The following PDHX variants were observed in gnomAD, a reference collection of about 807,000 sequenced individuals.
PDHX encodes the protein pyruvate dehydrogenase protein X component, mitochondrial.
Under a neutral mutation model 55.3 loss-of-function variants are expected in PDHX, and 33 were observed. The observed-to-expected ratio is 0.60, with a 90% CI of 0.45 to 0.80. The LOEUF is 0.80. PDHX is among the 30% of genes least tolerant of loss of function. PDHX has a pLI of 0.00. For synonymous variants in PDHX, 226 were observed against 219.4 expected (o/e 1.03, Z -0.27); for missense variants, 622 against 619.9 (o/e 1.00, Z -0.04).
chr11:34,955,162 T>C (rs1254380348), intron 3 of PDHX, among the ~76,000 whole-genome samples: 1 of 152,164 alleles, frequency 6.6e-6, no homozygotes, highest in Non-Finnish European at 1.5e-5. Flanking sequence ...CCAGATGCTT[T>C]GGTAGGGCAG....
Position 34,992,371 on chromosome 11 carries a change from A to T in PDHX, c.1239A>T (p.Gly413=), listed in dbSNP as rs148758785. 40 of 1,571,724 alleles carry T rather than the reference A, an allele frequency of 2.5e-5. No individual in the cohort carries two copies. In the Admixed American group the frequency reaches 2.7e-4, roughly 11 times the overall value. ...GKLLPEEYQG[G]SFSISNLGMF... The stretch of plus-strand genomic sequence containing the variant: ...TGTTGCCTGAAGAATACCAAGGAGG[A>T]TCTTTTAGGTAAAATTTAAACTCTT... The change falls in exon 10 of 11, where the codon GGA becomes GGT. Residue 413 remains glycine, a synonymous_variant. Transcript: ENST00000227868.
At position 34,969,360 on chromosome 11, in the gene PDHX, T is replaced by C. The variant is rs541887436; in HGVS notation, c.817-779T>C. Among the ~76,000 whole-genome samples the C allele has an allele frequency of 1.3e-3, 194 of 151,550 alleles. No homozygotes were observed. The Middle Eastern group carries it at 0.014, about 11-fold the overall frequency. On this transcript the variant is annotated intron_variant, in intron 6 of 10. Coordinates refer to ENST00000227868, the MANE Select transcript of PDHX (RefSeq NM_003477.3). The stretch of plus-strand genomic sequence containing the variant: ...TGGTTTTTTTTCTTTTTTTTTTTTT[T>C]CCCGAAACAATCTTGCTCTGTCGCC...
At chr11:34,951,364 C>A (rs536186126) in intron 3 of PDHX, among the ~76,000 whole-genome samples, 1 of 152,194 alleles carries the variant, frequency 6.6e-6, no homozygotes, top group Admixed American at 6.5e-5. Flanking sequence ...CGGCCTGTTT[C>A]CTGACTTTTT....
intron 2 of PDHX, among the ~76,000 whole-genome samples, chr11:34,944,123 T>A (rs1279719078): frequency 2.0e-5 from 3 of 148,524 alleles, no homozygotes; most frequent in Admixed American, 6.7e-5. Context: ...TTTATATAAT[T>A]ATTATTATTT....
intron 9 of PDHX, 21 bp from the exon 10 acceptor site, chr11:34,992,294 T>C: frequency 1.3e-6 from 2 of 1,496,924 alleles, no homozygotes; most frequent in Non-Finnish European, 1.9e-6. Flanking sequence ...GGTTGTCCTA[T>C]TCTGTTTGTA....
chr11:34,980,389 G>GAAGAGCAA (rs1476725778), intron 8 of PDHX, among the ~76,000 whole-genome samples: 1 of 86,878 alleles, frequency 1.2e-5, no homozygotes, highest in Non-Finnish European at 2.3e-5. Context: ...GATTTATTGT[G>GAAGAGCAA]AAGAGCAAAA....
chr11:34,984,776 T>G (rs1855605653), intron 9 of PDHX, 48 bp downstream of exon 9: 1 of 1,563,674 alleles, frequency 6.4e-7, no homozygotes, highest in East Asian at 2.2e-5. Flanking sequence ...CATATACTTT[T>G]GGATAATTAC....
chr11:34,946,762 C>G (rs1214888440), intron 2 of PDHX, among the ~76,000 whole-genome samples: 1 of 152,164 alleles, frequency 6.6e-6, no homozygotes, highest in African/African-American at 2.4e-5. Context: ...GTAGAAGAAC[C>G]CTGACTTAGC....
intron 2 of PDHX, among the ~76,000 whole-genome samples, chr11:34,943,912 C>T (rs1430394956): frequency 1.3e-5 from 2 of 152,068 alleles, no homozygotes; most frequent in African/African-American, 2.4e-5. Flanking sequence ...ATCCTGACCT[C>T]ACCTTATCCT....
intron 2 of PDHX, 71 bp downstream of exon 2, chr11:34,931,555 T>C (rs1854172183): frequency 6.8e-6 from 5 of 730,486 alleles, no homozygotes; most frequent in Non-Finnish European, 1.2e-5. Flanking sequence ...TTTTTTTTCC[T>C]AATCTGTCCT....
intron 2 of PDHX, chr11:34,942,035 A>C (rs1854499896): frequency 6.6e-6 from 1 of 152,464 alleles, no homozygotes. Context: ...GCCATCTGTC[A>C]TCTCACGCTG....
rs1359316528 is a variant in PDHX at position 34,957,429 on chromosome 11, T to C, written c.388T>C (p.Leu130=). The C allele has an allele frequency of 6.2e-7, 1 of 1,613,216 alleles. No homozygotes were observed. The highest frequency in any genetic ancestry group is 8.5e-7 in the Non-Finnish European group (1 of 1,179,330). ...KNIRLGSLIG[L]IVEEGEDWKH... Reference sequence around the variant, plus strand: ...TATACGGCTAGGTTCACTAATTGGTTTGATAGTAGAAGAAGGAGAAGATTG... The same window carrying C: ...TATACGGCTAGGTTCACTAATTGGTCTGATAGTAGAAGAAGGAGAAGATTG... Residue 130 remains leucine, a synonymous_variant, in exon 4 of 11, where the codon TTG becomes CTG. Transcript: ENST00000227868.
chr11:34,945,600 T>A (rs889428082), intron 2 of PDHX, among the ~76,000 whole-genome samples: 1 of 152,180 alleles, frequency 6.6e-6, no homozygotes, highest in African/African-American at 2.4e-5. Context: ...TCTCAGTCTT[T>A]CCATTGAGGT....
At chr11:34,936,802 T>TTTG (rs1176041529) in intron 2 of PDHX, among the ~76,000 whole-genome samples, 175 of 129,130 alleles carry the variant, frequency 1.4e-3, no homozygotes, top group African/African-American at 4.7e-3. Context: ...TTTTTTTTTT[T>TTTG]TTTCTGAGAC....
chr11:34,970,374 C>CA, intron 7 of PDHX, 88 bp downstream of exon 7: 1 of 1,073,122 alleles, frequency 9.3e-7, no homozygotes, highest in Non-Finnish European at 1.4e-6. Flanking sequence ...TTAAAAGCTA[C>CA]ATTGTGTAGC....
chr11:34,949,625 C>G (rs556587542), intron 3 of PDHX, among the ~76,000 whole-genome samples: 1 of 151,936 alleles, frequency 6.6e-6, no homozygotes, highest in African/African-American at 2.4e-5. Context: ...TAGTATTTAG[C>G]AAATTGAACA....
intron 9 of PDHX, among the ~76,000 whole-genome samples, chr11:34,988,135 A>C (rs1564933829): frequency 1.3e-5 from 2 of 152,216 alleles, no homozygotes; most frequent in African/African-American, 4.8e-5. Context: ...ACCAGAGAGA[A>C]AAAACTAATT....
At chr11:34,983,753 C>A (rs1855576245) in intron 8 of PDHX, among the ~76,000 whole-genome samples, 1 of 152,060 alleles carries the variant, frequency 6.6e-6, no homozygotes, top group Admixed American at 6.5e-5. Context: ...AACTACAAAC[C>A]ACTGCTCGAT....
chr11:34,963,515 G>A (rs1296262885), intron 5 of PDHX, among the ~76,000 whole-genome samples: 1 of 152,154 alleles, frequency 6.6e-6, no homozygotes, highest in Admixed American at 6.5e-5. Flanking sequence ...CTTGGCCTCA[G>A]GTGACCCTCC....
Sources: allele counts gnomAD v4.1 joint callset (sites outside exome capture counted in the v4.1 genomes callset), GRCh38; gene constraint gnomAD v4.1.1; transcripts MANE v1.5; gene names NCBI Gene and HGNC (gene_info 2026-07-23, HGNC 2026-07-21).